Variants in AHI1 observed in about 807,000 individuals in gnomAD.
AHI1 encodes the protein Abelson helper integration site 1, also known as jouberin.
Under a neutral mutation model 149.3 loss-of-function variants are expected in AHI1, and 123 were observed. The ratio of observed to expected loss-of-function variants is 0.82; its 90% CI spans 0.71 to 0.96. AHI1 has a LOEUF of 0.96. Ranked by LOEUF, AHI1 falls within the 40% of genes least tolerant of loss-of-function variation. The pLI, the probability that AHI1 is intolerant of heterozygous loss-of-function variation, is 0.00. For synonymous variants in AHI1, 475 were observed against 459.8 expected, an observed-to-expected ratio of 1.03 and a Z score of -0.42; for missense variants, 1,439 against 1,422.7, an observed-to-expected ratio of 1.01 and a Z score of -0.18.
chr6:135,367,743 C>G (rs1774398945), intron 23 of AHI1, among the ~76,000 whole-genome samples: 1 of 151,924 alleles, frequency 6.6e-6, no homozygotes, highest in Non-Finnish European at 1.5e-5. Flanking sequence ...GGAGATTTTT[C>G]CATCCATATC....
intron 15 of AHI1, 45 bp from the exon 16 acceptor site, chr6:135,433,301 G>A: frequency 2.8e-6 from 4 of 1,405,404 alleles, no homozygotes; most frequent in Middle Eastern, 3.7e-4. Flanking sequence ...AAAAGCAGAA[G>A]TTTCTTTTAA....
chr6:135,411,540 G>C lies in AHI1; in HGVS notation c.2769C>G (p.Ala923=), dbSNP rs1362033228. The change falls in exon 21 of 29, where the codon GCC becomes GCG. Residue 923 remains alanine (A), a synonymous_variant. Coordinates refer to ENST00000265602, the MANE Select transcript of AHI1 (RefSeq NM_001134831.2). ...GTTTGAACATTTCAGCCTCCTGCTG[G>C]GCAACTGAAGAAATGAATCCATAAT... ...ILLYIYDFHV[A]QQEAEMFKRY... 1.3e-6 allele frequency: 2 copies of C among 1,561,142 alleles called. No individual in the cohort carries two copies. Among genetic ancestry groups the C allele is most frequent in the South Asian group, 2.5e-5 (2 of 80,780 alleles).
At chr6:135,470,354 T>C (rs1791488500) in intron 5 of AHI1, among the ~76,000 whole-genome samples, 3 of 152,314 alleles carry the variant, frequency 2.0e-5, no homozygotes, top group Admixed American at 1.3e-4. Context: ...GGAAAGCTTT[T>C]ACACTGTTGA....
Position 135,429,879 on chromosome 6 carries a change from T to C in AHI1, c.2492+3A>G, listed in dbSNP as rs951268770. 8.0e-6 allele frequency: 12 copies of C among 1,493,788 alleles called. No homozygotes were observed. Among genetic ancestry groups the C allele is most frequent in the Non-Finnish European group, 1.0e-5 (11 of 1,085,604 alleles). The allele number at this position is 1,493,788 out of a possible 1,614,324, so 92.5% of individuals were successfully genotyped here. ...TATCCTGTCAACACTGAAATATACT[T>C]ACATCCGGAGATCCATAATTCTCAA... is the stretch of plus-strand genomic sequence containing the variant. On this transcript the variant is annotated splice_donor_region_variant and intron_variant, in intron 18 of 28. Transcript: ENST00000265602.
intron 26 of AHI1, chr6:135,307,192 T>A (rs903096567): frequency 6.6e-6 from 1 of 152,224 alleles, no homozygotes; most frequent in Non-Finnish European, 1.5e-5. Flanking sequence ...CATCTTTTAT[T>A]GTATGCATGG....
intron 26 of AHI1, chr6:135,301,297 A>G: frequency 1.0e-6 from 1 of 975,398 alleles, no homozygotes; most frequent in South Asian, 4.7e-5. Flanking sequence ...AATTGTTACT[A>G]TGTTTAAGTT....
intron 23 of AHI1, among the ~76,000 whole-genome samples, chr6:135,363,857 T>C (rs1794377604): frequency 7.0e-6 from 1 of 142,712 alleles, no homozygotes; most frequent in Non-Finnish European, 1.5e-5. Context: ...GAGGCGCCCC[T>C]CACCCCCCGG....
chr6:135,462,703 C>T (rs1790104457), intron 8 of AHI1, among the ~76,000 whole-genome samples: 1 of 152,048 alleles, frequency 6.6e-6, no homozygotes, highest in Admixed American at 6.5e-5. Context: ...GAGTTCGAGA[C>T]CAGCTTGGCC....
At position 135,301,091 on chromosome 6, in the gene AHI1, T is replaced by C. The variant is rs60896023; in HGVS notation, c.3427-533A>G. ...AATAAGCACTTTCAAGGGTACCAAA[T>C]TTTACCCTGAGCATCGGATACTTCC... On this transcript the variant is annotated intron_variant, in intron 26 of 28. Coordinates refer to ENST00000265602, the MANE Select transcript of AHI1 (RefSeq NM_001134831.2). The C allele has an allele frequency of 4.7e-3, 4,669 of 985,316 alleles. 170 individuals carry two copies. In the African/African-American group the frequency reaches 0.074, roughly 16 times the overall value. 61.0% of individuals were successfully genotyped at this position (985,316 alleles called of 1,614,324 possible). A position where few individuals can be genotyped will look rare whatever the true frequency, so the allele number is the denominator to read the frequency against.
chr6:135,312,330 TA>T (rs1211140114), intron 26 of AHI1, among the ~76,000 whole-genome samples: 1 of 151,984 alleles, frequency 6.6e-6, no homozygotes, highest in Non-Finnish European at 1.5e-5. Context: ...CTGGCCAAAC[TA>T]GTGAAACCCT....
At chr6:135,453,298 T>A in intron 11 of AHI1, 43 bp downstream of exon 11, 2 of 1,444,950 alleles carry the variant, frequency 1.4e-6, no homozygotes, top group Non-Finnish European at 1.9e-6. Flanking sequence ...CAACTAAATT[T>A]GAAGACTAGT....
intron 5 of AHI1, among the ~76,000 whole-genome samples, chr6:135,489,371 T>C (rs1794925692): frequency 6.6e-6 from 1 of 152,178 alleles, no homozygotes; most frequent in Admixed American, 6.5e-5. Flanking sequence ...TAAACCTTGG[T>C]CTAAATTGCA....
chr6:135,325,983 G>C (rs56392740), intron 24 of AHI1, among the ~76,000 whole-genome samples: 1 of 152,148 alleles, frequency 6.6e-6, no homozygotes, highest in African/African-American at 2.4e-5. Flanking sequence ...CTTGATAAAA[G>C]AATCCCTTCA....
At chr6:135,363,768 T>TG (rs1277564633) in intron 23 of AHI1, among the ~76,000 whole-genome samples, 1 of 113,204 alleles carries the variant, frequency 8.8e-6, no homozygotes, top group Non-Finnish European at 1.8e-5. Flanking sequence ...GGGCGGGGGT[T>TG]GACCCCCCCA....
chr6:135,411,070 A>C (rs1407184726), intron 21 of AHI1, among the ~76,000 whole-genome samples: 2 of 152,148 alleles, frequency 1.3e-5, no homozygotes, highest in Non-Finnish European at 2.9e-5. Flanking sequence ...GCTAAGTCCT[A>C]GGTGTGGTCA....
intron 15 of AHI1, among the ~76,000 whole-genome samples, chr6:135,437,638 T>C (rs922247727): frequency 5.3e-5 from 8 of 152,190 alleles, no homozygotes; most frequent in African/African-American, 1.9e-4. Context: ...CAGAAGTAAA[T>C]GACAATGAAT....
chr6:135,394,513 G>T, intron 23 of AHI1: 1 of 418,900 alleles, frequency 2.4e-6, no homozygotes, highest in Non-Finnish European at 4.4e-6. Flanking sequence ...ACATCATGCA[G>T]GTTTAAAACT....
At chr6:135,436,728 A>G (rs964831634) in intron 15 of AHI1, among the ~76,000 whole-genome samples, 2 of 152,128 alleles carry the variant, frequency 1.3e-5, no homozygotes, top group African/African-American at 4.8e-5. Flanking sequence ...CAGCCTCTGA[A>G]GTAGCTGGGA....
chr6:135,340,676 T>TACATAC (rs1339901334), intron 24 of AHI1, among the ~76,000 whole-genome samples: 2 of 133,572 alleles, frequency 1.5e-5, no homozygotes, highest in African/African-American at 5.7e-5. Flanking sequence ...TATATATATA[T>TACATAC]ATATATATAT....
Sources: gnomAD v4.1 joint callset for allele counts (sites outside exome capture counted in the v4.1 genomes callset) on GRCh38, gnomAD v4.1.1 for gene constraint, MANE v1.5 for transcripts, NCBI Gene and HGNC (gene_info 2026-07-23, HGNC 2026-07-21) for gene names.